MEI4: variants seen among roughly 807,000 people sequenced by gnomAD.
MEI4 encodes the protein meiotic double-stranded break formation protein 4.
A neutral mutation model predicts 31.4 loss-of-function variants in MEI4; 27 were observed. The observed-to-expected ratio is 0.86, with a 90% CI of 0.63 to 1.19. The LOEUF is 1.19. MEI4 is among the 50% of genes most tolerant of loss of function. MEI4 has a pLI of 0.00. For synonymous variants in MEI4, 122 were observed against 145.4 expected (o/e 0.84, Z 1.16); for missense variants, 329 against 398.9 (o/e 0.82, Z 1.49).
chr6:77,812,158 G>A (rs1203642803), intron 3 of MEI4, among the ~76,000 whole-genome samples: 2 of 151,920 alleles, frequency 1.3e-5, no homozygotes, highest in Non-Finnish European at 2.9e-5. Context: ...CTAAACAGTT[G>A]CTTTTATGTT....
chr6:77,859,620 A>G (rs56029358), intron 4 of MEI4, among the ~76,000 whole-genome samples: 286 of 152,216 alleles, frequency 1.9e-3, no homozygotes, highest in Non-Finnish European at 3.2e-3. Flanking sequence ...ATGAGCAGTG[A>G]TGTTGAGCTT....
intron 3 of MEI4, among the ~76,000 whole-genome samples, chr6:77,776,641 A>G (rs753402180): frequency 5.9e-5 from 9 of 152,182 alleles, no homozygotes; most frequent in East Asian, 1.9e-4. Flanking sequence ...AAAGAAGGAT[A>G]AAACCTAGAG....
At chr6:77,874,674 G>C (rs990582763) in intron 4 of MEI4, among the ~76,000 whole-genome samples, 1 of 152,092 alleles carries the variant, frequency 6.6e-6, no homozygotes, top group Admixed American at 6.6e-5. Flanking sequence ...GGGCATCCCT[G>C]TCTTGTGCCA....
chr6:77,708,069 A>G (rs993672655), intron 2 of MEI4, among the ~76,000 whole-genome samples: 1 of 152,168 alleles, frequency 6.6e-6, no homozygotes, highest in Non-Finnish European at 1.5e-5. Context: ...GGCACTGTCT[A>G]GTGGAGCTGT....
At chr6:77,661,438 A>G (rs1229424604) in intron 1 of MEI4, among the ~76,000 whole-genome samples, 12 of 152,178 alleles carry the variant, frequency 7.9e-5, no homozygotes, top group Non-Finnish European at 1.5e-5. Flanking sequence ...CTACCCATCC[A>G]GTGAAAGTGT....
rs149728224 is a variant in MEI4, at chr6:77,783,793, T to C, written c.768+22128T>C. On this transcript the variant is annotated intron_variant, in intron 3 of 4. Coordinates refer to ENST00000684080, the MANE Select transcript of MEI4 (RefSeq NM_001322247.2). Reference sequence around the variant, plus strand: ...TGATTTCAAATAAAATCAAATCAACTCAAATCAGAACATTTGAACAGTAAT... The same window carrying C: ...TGATTTCAAATAAAATCAAATCAACCCAAATCAGAACATTTGAACAGTAAT... Among the ~76,000 whole-genome samples the C allele has an allele frequency of 1.4e-3, 213 of 152,264 alleles. 1 individual carries two copies. Among genetic ancestry groups the C allele is most frequent in the African/African-American group, 4.5e-3 (187 of 41,576 alleles).
At chr6:77,709,613 T>C (rs1490811684) in intron 2 of MEI4, among the ~76,000 whole-genome samples, 1 of 152,212 alleles carries the variant, frequency 6.6e-6, no homozygotes, top group African/African-American at 2.4e-5. Flanking sequence ...TTCTAACTTA[T>C]TAATAAAACA....
Position 77,710,536 on chromosome 6 carries a change from A to AG in MEI4, c.232+19633_232+19634insG, listed in dbSNP as rs1561953969. 7.4e-5 allele frequency among the ~76,000 whole-genome samples: 11 copies of AG among 149,288 alleles called. No homozygotes were observed. In the South Asian group the frequency reaches 1.7e-3, roughly 23 times the overall value. Reference sequence around the variant, plus strand: ...ACTCCATCTCAAAAAAAAAAAAAAAAAAAAAAGAAAAGGTAAAATAAAGTG... The same window carrying AG: ...ACTCCATCTCAAAAAAAAAAAAAAAAGAAAAAAGAAAAGGTAAAATAAAGTG... On this transcript the variant is annotated intron_variant, in intron 2 of 4. Coordinates refer to ENST00000684080, the MANE Select transcript of MEI4 (RefSeq NM_001322247.2).
At chr6:77,714,649 G>A (rs1217588275) in intron 2 of MEI4, among the ~76,000 whole-genome samples, 1 of 152,176 alleles carries the variant, frequency 6.6e-6, no homozygotes, top group Non-Finnish European at 1.5e-5. Flanking sequence ...TTCCATTCAA[G>A]GCGCTCTCTA....
intron 4 of MEI4, among the ~76,000 whole-genome samples, chr6:77,868,552 A>G (rs183120219): frequency 2.6e-5 from 3 of 113,904 alleles, no homozygotes; most frequent in Non-Finnish European, 3.7e-5. Flanking sequence ...AAAATCTCTT[A>G]GAGAAGTGTC....
At chr6:77,706,689 G>C (rs1160610030) in intron 2 of MEI4, among the ~76,000 whole-genome samples, 1 of 152,128 alleles carries the variant, frequency 6.6e-6, no homozygotes, top group Non-Finnish European at 1.5e-5. Flanking sequence ...ATGATTTGGT[G>C]CTGTCCTCAT....
chr6:77,854,486 T>C (rs1332147947), intron 4 of MEI4, among the ~76,000 whole-genome samples: 1 of 151,498 alleles, frequency 6.6e-6, no homozygotes, highest in African/African-American at 2.4e-5. Context: ...TATGTACATC[T>C]TTTTTAGTAA....
chr6:77,824,756 T>C (rs1769903324), intron 3 of MEI4, among the ~76,000 whole-genome samples: 1 of 152,164 alleles, frequency 6.6e-6, no homozygotes. Context: ...AGAAAGGGAA[T>C]GTTATTATCA....
At chr6:77,863,153 T>C (rs997472582) in intron 4 of MEI4, among the ~76,000 whole-genome samples, 5 of 152,006 alleles carry the variant, frequency 3.3e-5, no homozygotes, top group Admixed American at 3.3e-4. Flanking sequence ...GCAGAAAAAC[T>C]GGAAACTCTA....
chr6:77,873,598 C>G (rs1771253992), intron 4 of MEI4, among the ~76,000 whole-genome samples: 1 of 152,198 alleles, frequency 6.6e-6, no homozygotes. Context: ...TGCAGAAGCT[C>G]TTTAGTTGAA....
chr6:77,770,012 A>C (rs1302660676), intron 3 of MEI4, among the ~76,000 whole-genome samples: 1 of 151,866 alleles, frequency 6.6e-6, no homozygotes, highest in East Asian at 2.0e-4. Context: ...GCCTGGTACC[A>C]GCTTGGCCGC....
chr6:77,771,067 T>A (rs1327209227), intron 3 of MEI4, among the ~76,000 whole-genome samples: 1 of 152,078 alleles, frequency 6.6e-6, no homozygotes, highest in Non-Finnish European at 1.5e-5. Context: ...CCAGAGCCTA[T>A]AAGGAACTTA....
intron 2 of MEI4, among the ~76,000 whole-genome samples, chr6:77,731,923 A>C (rs1767007532): frequency 1.3e-5 from 2 of 151,226 alleles, no homozygotes; most frequent in African/African-American, 2.4e-5. Context: ...GGTTTGTCAA[A>C]GATCAGATAG....
chr6:77,787,479 G>A (rs528788358), intron 3 of MEI4, among the ~76,000 whole-genome samples: 1 of 152,286 alleles, frequency 6.6e-6, no homozygotes, highest in Admixed American at 6.5e-5. Context: ...TCTAGCAACA[G>A]CCATGTGATC....
Sources: allele counts gnomAD v4.1 joint callset (sites outside exome capture counted in the v4.1 genomes callset), GRCh38; gene constraint gnomAD v4.1.1; transcripts MANE v1.5; gene names NCBI Gene and HGNC (gene_info 2026-07-23, HGNC 2026-07-21).